Variants in SBF2 observed in about 807,000 individuals in gnomAD.
SBF2 encodes SET binding factor 2, also known as myotubularin-related protein 13.
In SBF2, 112 loss-of-function variants were observed where a neutral mutation model predicts 225.2. That is an observed-to-expected ratio of 0.50 (90% CI 0.43 to 0.58). The LOEUF is 0.58. SBF2 is among the 20% of genes least tolerant of loss of function. The pLI, the probability that SBF2 is intolerant of heterozygous loss-of-function variation, is 0.00. For missense variants in SBF2, 1,996 were observed against 2,206.2 expected (o/e 0.90, Z 1.91); for synonymous variants, 763 against 773.3 (o/e 0.99, Z 0.22).
intron 1 of SBF2, among the ~76,000 whole-genome samples, chr11:10,208,099 T>C (rs1358264593): frequency 6.6e-6 from 1 of 152,152 alleles, no homozygotes; most frequent in Non-Finnish European, 1.5e-5. Context: ...AGGCTTATCT[T>C]AGCTCTGTCA....
chr11:9,823,300 G>A (rs965393712), intron 28 of SBF2, among the ~76,000 whole-genome samples: 1 of 152,146 alleles, frequency 6.6e-6, no homozygotes, highest in Non-Finnish European at 1.5e-5. Context: ...CAACATGCAT[G>A]CTGAATGCAA....
intron 17 of SBF2, among the ~76,000 whole-genome samples, chr11:9,865,608 T>C (rs1858132176): frequency 6.9e-6 from 1 of 144,640 alleles, no homozygotes; most frequent in Non-Finnish European, 1.5e-5. Flanking sequence ...GAAGAATTGC[T>C]TGAACCTGGG....
At chr11:10,279,768 G>A (rs1317994264) in intron 1 of SBF2, among the ~76,000 whole-genome samples, 3 of 152,158 alleles carry the variant, frequency 2.0e-5, no homozygotes, top group South Asian at 4.1e-4. Flanking sequence ...TACTGCCTCA[G>A]CCTCCTGAGT....
At chr11:9,874,343 T>C (rs544851391) in intron 17 of SBF2, among the ~76,000 whole-genome samples, 1 of 152,292 alleles carries the variant, frequency 6.6e-6, no homozygotes, top group East Asian at 1.9e-4. Flanking sequence ...AGTTTTATAG[T>C]ATGTCTCTTC....
In SBF2 at chr11:10,104,902, C is replaced by A. The variant is rs191688110; in HGVS notation, c.142-61921G>T. Among the ~76,000 whole-genome samples the A allele has an allele frequency of 7.8e-3, 1,183 of 152,288 alleles. 6 individuals carry two copies. The highest frequency in any genetic ancestry group is 0.012 in the Non-Finnish European group (845 of 68,032). On this transcript the variant is annotated intron_variant, in intron 2 of 39. Transcript: ENST00000256190. ...TGACTATATTATTTTCTCTTCTTCA[C>A]TGAGTATTAAACAAGCCTTGCATTC... is the stretch of plus-strand genomic sequence containing the variant.
In SBF2 at chr11:10,014,281, A is replaced by C. The variant is rs192096674; in HGVS notation, c.620-11592T>G. ...TACATATATACATACACATACATACATGAGAACATATACATGCATATGTAT... is the reference window on the plus strand; with the variant it reads ...TACATATATACATACACATACATACCTGAGAACATATACATGCATATGTAT... On this transcript the variant is annotated intron_variant, in intron 6 of 39. Coordinates refer to ENST00000256190, the MANE Select transcript of SBF2 (RefSeq NM_030962.4). Among the ~76,000 whole-genome samples the C allele has an allele frequency of 1.5e-3, 229 of 152,254 alleles. 2 individuals carry two copies. Among genetic ancestry groups the C allele is most frequent in the African/African-American group, 5.3e-3 (219 of 41,540 alleles).
chr11:10,175,657 C>T lies in SBF2; in HGVS notation c.141+18245G>A, dbSNP rs1371906203. 3.7e-3 allele frequency among the ~76,000 whole-genome samples: 552 copies of T among 149,922 alleles called. 5 individuals carry two copies. Among genetic ancestry groups the T allele is most frequent in the African/African-American group, 0.013 (521 of 40,392 alleles). On this transcript the variant is annotated intron_variant, in intron 2 of 39. Transcript: ENST00000256190. ...GAATGGAACTCAGCTCTGCACCAAG[C>T]GGACCTAACAGACATCTACAGAACT...
chr11:10,267,776 A>G (rs1211723369), intron 1 of SBF2, among the ~76,000 whole-genome samples: 5 of 152,172 alleles, frequency 3.3e-5, no homozygotes, highest in African/African-American at 9.7e-5. Flanking sequence ...GAACAGTAGC[A>G]GTGAAAGGGA....
intron 1 of SBF2, among the ~76,000 whole-genome samples, chr11:10,256,831 T>C (rs11042692): frequency 6.6e-6 from 1 of 152,328 alleles, no homozygotes; most frequent in East Asian, 1.9e-4. Flanking sequence ...AAATCTTTTC[T>C]CTAAATTGAA....
intron 2 of SBF2, among the ~76,000 whole-genome samples, chr11:10,158,246 TCAAA>T (rs1485392055): frequency 3.3e-5 from 5 of 151,520 alleles, no homozygotes; most frequent in East Asian, 1.9e-4. Flanking sequence ...AACAAAGATC[TCAAA>T]CAAACAACTT....
intron 1 of SBF2, among the ~76,000 whole-genome samples, chr11:10,229,272 T>G (rs575078615): frequency 6.6e-6 from 1 of 152,318 alleles, no homozygotes; most frequent in East Asian, 1.9e-4. Context: ...AACCAGCTCC[T>G]GGATTCATTG....
intron 32 of SBF2, among the ~76,000 whole-genome samples, chr11:9,800,002 C>G (rs1485321688): frequency 6.6e-6 from 1 of 152,164 alleles, no homozygotes; most frequent in Non-Finnish European, 1.5e-5. Context: ...CTTTGAGAGG[C>G]TGAGATGGGT....
At chr11:9,785,047 C>CA in intron 37 of SBF2, 78 bp downstream of exon 37, 2 of 1,247,310 alleles carry the variant, frequency 1.6e-6, no homozygotes, top group Non-Finnish European at 2.4e-6. Flanking sequence ...ACAGGCCTAG[C>CA]TTATTGAGGG....
intron 2 of SBF2, among the ~76,000 whole-genome samples, chr11:10,060,783 C>T (rs1025667436): frequency 6.6e-6 from 1 of 152,122 alleles, no homozygotes; most frequent in Non-Finnish European, 1.5e-5. Context: ...AATCCCAGCA[C>T]TTTGGGAGGC....
intron 1 of SBF2, among the ~76,000 whole-genome samples, chr11:10,223,332 C>T (rs1375220490): frequency 6.9e-6 from 1 of 145,258 alleles, no homozygotes; most frequent in Admixed American, 7.1e-5. Flanking sequence ...AACTCTTCAA[C>T]AACTTAGCTA....
At chr11:9,875,318 T>C (rs1343126445) in intron 17 of SBF2, among the ~76,000 whole-genome samples, 1 of 152,216 alleles carries the variant, frequency 6.6e-6, no homozygotes, top group Non-Finnish European at 1.5e-5. Context: ...CAGATGGTTT[T>C]CAAGCTCCAG....
chr11:9,787,183 C>T (rs545083000), intron 36 of SBF2, among the ~76,000 whole-genome samples: 5 of 152,264 alleles, frequency 3.3e-5, no homozygotes, highest in Admixed American at 6.5e-5. Context: ...CGTGAGCCAC[C>T]GCACCCGGCC....
At chr11:10,232,272 C>CG (rs750590511) in intron 1 of SBF2, among the ~76,000 whole-genome samples, 58 of 152,346 alleles carry the variant, frequency 3.8e-4, no homozygotes, top group Admixed American at 7.2e-4. Flanking sequence ...GGGGATGCCT[C>CG]GTGCTGCTTC....
At chr11:9,921,064 C>CTT (rs34959264) in intron 16 of SBF2, among the ~76,000 whole-genome samples, 7,568 of 85,730 alleles carry the variant, frequency 0.088, 239 homozygotes, top group Middle Eastern at 0.1. Context: ...CTGAAAACTT[C>CTT]TTTTTTTTTT....
Sources: gnomAD v4.1 joint callset for allele counts (sites outside exome capture counted in the v4.1 genomes callset) on GRCh38, gnomAD v4.1.1 for gene constraint, MANE v1.5 for transcripts, NCBI Gene and HGNC (gene_info 2026-07-23, HGNC 2026-07-21) for gene names.